DNAH6: variants seen among roughly 807,000 people sequenced by gnomAD.
DNAH6 encodes axonemal beta dynein heavy chain 6.
Under a neutral mutation model 491.4 loss-of-function variants are expected in DNAH6, and 340 were observed. The observed-to-expected ratio is 0.69, with a 90% CI of 0.63 to 0.76. The LOEUF (loss-of-function observed/expected upper bound fraction) is 0.76, where lower values mean the gene tolerates loss of function less well. Ranked by LOEUF, DNAH6 falls within the 30% of genes least tolerant of loss-of-function variation. DNAH6 has a pLI of 0.00. For missense variants in DNAH6, 4,443 were observed against 4,972.2 expected (o/e 0.89, Z 3.20); for synonymous variants, 1,603 against 1,686.1 (o/e 0.95, Z 1.21).
At position 84,641,935 on chromosome 2, in the gene DNAH6, C is replaced by T; in HGVS notation, c.4971-12C>T. The T allele has an allele frequency of 1.3e-6, 2 of 1,540,880 alleles. No individual in the cohort carries two copies. Among genetic ancestry groups the T allele is most frequent in the Non-Finnish European group, 1.8e-6 (2 of 1,138,916 alleles). On this transcript the variant is annotated splice_polypyrimidine_tract_variant and intron_variant, in intron 32 of 76. Transcript: ENST00000389394. ...TCTTGTGATATTATCCGAAATATTCCTTTAAATTTAGATCTTTAAAAAGAG... is the reference window on the plus strand; with the variant it reads ...TCTTGTGATATTATCCGAAATATTCTTTTAAATTTAGATCTTTAAAAAGAG...
the DNAH6 span, among the ~76,000 whole-genome samples, chr2:84,473,941 A>G: frequency 0.011 from 1,682 of 152,300 alleles, 29 homozygotes; most frequent in African/African-American, 0.039. Context: ...TAACTTGCTT[A>G]ATAGCTTTCC....
In DNAH6 at chr2:84,668,828, G is replaced by A. The variant is rs1692428307; in HGVS notation, c.6085-461G>A. On this transcript the variant is annotated intron_variant, in intron 37 of 76. Coordinates refer to ENST00000389394, the MANE Select transcript of DNAH6 (RefSeq NM_001370.2). ...CATCCCTCTGTGTGTGTGTGTGTGT[G>A]TGTGTGTGTGTGTGTGTGTGTGTGT... Among the ~76,000 whole-genome samples the A allele has an allele frequency of 6.5e-5, 3 of 46,064 alleles. No individual in the cohort carries two copies. In the Admixed American group the frequency reaches 7.9e-4, roughly 12 times the overall value. 30.2% of individuals were successfully genotyped at this position (46,064 alleles called of 152,430 possible).
At position 84,659,159 on chromosome 2, in the gene DNAH6, C is replaced by G; in HGVS notation, c.6074C>G (p.Pro2025Arg). ...TFIRTQFDDN[P>R]DARLPNSGDL... ...ATTAGAACACAATTTGATGATAATC[C>G]TGATGCCAGGGTAAGAACCAAATAA... Residue 2025 changes from proline to arginine, a missense_variant, in exon 37 of 77, where the codon CCT becomes CGT. Physicochemically the swap from Pro to Arg is moderately radical, Grantham distance 103 (BLOSUM62 -2). Coordinates refer to ENST00000389394, the MANE Select transcript of DNAH6 (RefSeq NM_001370.2). 6.9e-7 allele frequency: 1 copy of G among 1,456,352 alleles called. No homozygotes were observed. 90.2% of individuals were successfully genotyped at this position (1,456,352 alleles called of 1,614,324 possible).
intron 33 of DNAH6, among the ~76,000 whole-genome samples, chr2:84,643,407 G>T (rs552530598): frequency 3.9e-5 from 6 of 151,978 alleles, no homozygotes; most frequent in Non-Finnish European, 7.4e-5. Context: ...CTAAGGTTTG[G>T]TGTGTGACAT....
At chr2:84,679,785 GCCTGATATTGGTGTATCAT>G (rs1693603275) in intron 41 of DNAH6, among the ~76,000 whole-genome samples, 1 of 152,078 alleles carries the variant, frequency 6.6e-6, no homozygotes, top group South Asian at 2.1e-4. Context: ...CCTTCCATAC[GCCTGATATTGGTGTATCAT>G]CCCTGTCCTC....
chr2:84,767,521 G>A (rs1486042534), intron 64 of DNAH6, among the ~76,000 whole-genome samples: 2 of 150,986 alleles, frequency 1.3e-5, no homozygotes, highest in Non-Finnish European at 2.9e-5. Context: ...GTGAGATCCT[G>A]TGTCAAAAAA....
intron 29 of DNAH6, among the ~76,000 whole-genome samples, 155 bp downstream of exon 29, chr2:84,625,218 G>A (rs1219079812): frequency 2.0e-5 from 3 of 152,192 alleles, no homozygotes; most frequent in East Asian, 3.8e-4. Flanking sequence ...AATAGAGCAA[G>A]GGAGAAGAGT....
chr2:84,658,273 T>G lies in DNAH6; in HGVS notation c.5758-19T>G, dbSNP rs1423251290. 6.7e-7 allele frequency: 1 copy of G among 1,481,884 alleles called. No individual in the cohort carries two copies. Among genetic ancestry groups the G allele is most frequent in the East Asian group, 2.5e-5 (1 of 39,602 alleles). 91.8% of individuals were successfully genotyped at this position (1,481,884 alleles called of 1,614,324 possible). ...ATATTTATCAGGTCTTGCTAAACTA[T>G]CATTTGTTTCATTTTCAGCTGACTG... is the stretch of plus-strand genomic sequence containing the variant. On this transcript the variant is annotated intron_variant, in intron 35 of 76. Coordinates refer to ENST00000389394, the MANE Select transcript of DNAH6 (RefSeq NM_001370.2).
Position 84,713,218 on chromosome 2 carries a change from T to C in DNAH6, c.9502T>C (p.Tyr3168His). 1 of 1,552,244 alleles carries C rather than the reference T, an allele frequency of 6.4e-7. No individual in the cohort carries two copies. Among genetic ancestry groups the C allele is most frequent in the Non-Finnish European group, 8.7e-7 (1 of 1,147,088 alleles). The change falls in exon 57 of 77, where the codon TAT becomes CAT. Residue 3168 changes from tyrosine (Y) to histidine (H), a missense_variant. By Grantham distance (83) the Tyr-to-His change is moderately conservative (BLOSUM62 2). Coordinates refer to ENST00000389394, the MANE Select transcript of DNAH6 (RefSeq NM_001370.2). ...DIDYDKNFRF[Y>H]MTTKMPNPHY... ...TGATTATGACAAAAACTTTAGGTTC[T>C]ATATGACAACCAAAATGCCAAATCC...
chr2:84,496,968 ACT>A, the DNAH6 span, among the ~76,000 whole-genome samples: 1 of 99,884 alleles, frequency 1.0e-5, no homozygotes, highest in African/African-American at 3.7e-5. Context: ...GACAATATGT[ACT>A]CTTTTTTTTT....
chr2:84,778,695 T>C (rs1173984978), intron 64 of DNAH6, among the ~76,000 whole-genome samples: 3 of 151,950 alleles, frequency 2.0e-5, no homozygotes, highest in Non-Finnish European at 2.9e-5. Flanking sequence ...GAGACAGGGT[T>C]TTGCCAGGTT....
Position 84,813,979 on chromosome 2 carries a change from C to G in DNAH6, c.12007C>G (p.Gln4003Glu). 1 of 1,551,698 alleles carries G rather than the reference C, an allele frequency of 6.4e-7. No homozygotes were observed. The highest frequency in any genetic ancestry group is 8.7e-7 in the Non-Finnish European group (1 of 1,146,964). ...FPQGFLTGTL[Q>E]NHARKYNLPI... ...GATTTTCACAATTACAGGAACTCTT[C>G]AAAATCATGCTCGAAAATACAATTT... The change falls in exon 75 of 77, where the codon CAA becomes GAA. Residue 4003 changes from glutamine (Q) to glutamate (E), a missense_variant. Physicochemically the swap from Gln to Glu is conservative, Grantham distance 29. Coordinates refer to ENST00000389394, the MANE Select transcript of DNAH6 (RefSeq NM_001370.2).
chr2:84,497,563 A>G, the DNAH6 span, among the ~76,000 whole-genome samples: 1 of 152,134 alleles, frequency 6.6e-6, no homozygotes, highest in Non-Finnish European at 1.5e-5. Flanking sequence ...ACCTCTCTGA[A>G]TCTTAGCTGT....
intron 46 of DNAH6, 106 bp downstream of exon 46, chr2:84,694,586 C>T: frequency 1.4e-6 from 1 of 735,004 alleles, no homozygotes; most frequent in Non-Finnish European, 2.2e-6. Context: ...GGATTGTTCC[C>T]TTTGATAACA....
intron 32 of DNAH6, 110 bp from the exon 33 acceptor site, chr2:84,641,837 C>A: frequency 1.2e-6 from 1 of 814,184 alleles, no homozygotes; most frequent in Non-Finnish European, 1.9e-6. Flanking sequence ...TGATCTTCTC[C>A]TTCTAACAGG....
the DNAH6 span, among the ~76,000 whole-genome samples, chr2:84,510,270 G>A: frequency 9.2e-5 from 14 of 152,036 alleles, no homozygotes; most frequent in East Asian, 3.9e-4. Flanking sequence ...GGCTTTGTTC[G>A]TTTCTTTTTA....
intron 12 of DNAH6, among the ~76,000 whole-genome samples, chr2:84,574,208 T>C (rs1682195302): frequency 6.6e-6 from 1 of 152,080 alleles, no homozygotes; most frequent in Non-Finnish European, 1.5e-5. Context: ...TGAGCTTCCT[T>C]TATTTTCTTA....
At chr2:84,675,068 C>A (rs1693102182) in intron 40 of DNAH6, among the ~76,000 whole-genome samples, 1 of 152,190 alleles carries the variant, frequency 6.6e-6, no homozygotes. Flanking sequence ...TCTTCCTACT[C>A]CTTCAAGGCC....
At chr2:84,484,361 A>G in the DNAH6 span, among the ~76,000 whole-genome samples, 1 of 152,302 alleles carries the variant, frequency 6.6e-6, no homozygotes, top group South Asian at 2.1e-4. Context: ...GAATAGGGTA[A>G]AGTGTGTCTA....
Sources: gnomAD v4.1 joint callset for allele counts (sites outside exome capture counted in the v4.1 genomes callset) on GRCh38, gnomAD v4.1.1 for gene constraint, MANE v1.5 for transcripts, NCBI Gene and HGNC (gene_info 2026-07-23, HGNC 2026-07-21) for gene names.